The following SPTBN1 variants were observed in gnomAD, a reference collection of about 807,000 sequenced individuals.
SPTBN1 encodes the protein spectrin beta, non-erythrocytic 1, also known as spectrin beta chain, non-erythrocytic 1.
SPTBN1 carries 32 observed loss-of-function variants against 266.4 expected under a neutral mutation model. The observed-to-expected ratio is 0.12, with a 90% CI of 0.09 to 0.16. The LOEUF (loss-of-function observed/expected upper bound fraction) is 0.16, where lower values mean the gene tolerates loss of function less well. Among genes scored for constraint, SPTBN1 ranks in the 10% least tolerant of loss-of-function variants. The pLI, the probability that SPTBN1 is intolerant of heterozygous loss-of-function variation, is 1.00. For synonymous variants in SPTBN1, 1,336 were observed against 1,162.2 expected (o/e 1.15, Z -3.04); for missense variants, 2,296 against 3,067.1 (o/e 0.75, Z 5.94).
chr2:54,623,136 T>C (rs1367063024), intron 9 of SPTBN1, among the ~76,000 whole-genome samples: 1 of 152,194 alleles, frequency 6.6e-6, no homozygotes, highest in East Asian at 1.9e-4. Flanking sequence ...TTGAAAATTA[T>C]ATTAGGTAGA....
In SPTBN1 at chr2:54,668,741, A is replaced by G. The variant is rs1681554204; in HGVS notation, c.*172A>G. The G allele has an allele frequency of 5.0e-6, 3 of 605,296 alleles. No homozygotes were observed. In the South Asian group the frequency reaches 6.2e-5, roughly 12 times the overall value. 37.5% of individuals were successfully genotyped at this position (605,296 alleles called of 1,614,324 possible). ...GGGGGTGGGGGAAACACACCTAAACACTTTATCTCCAAGTTACAAAAGTTT... is the reference window on the plus strand; with the variant it reads ...GGGGGTGGGGGAAACACACCTAAACGCTTTATCTCCAAGTTACAAAAGTTT... On this transcript the variant is annotated 3_prime_UTR_variant, in exon 36 of 36. Coordinates refer to ENST00000356805, the MANE Select transcript of SPTBN1 (RefSeq NM_003128.3).
rs375464560 is a variant in SPTBN1, at chr2:54,646,030, G to T, written c.4584+13G>T. ...AAAGAAAAATCAGGTAAGCCTTTCT[G>T]CTCGAGCTAGTTCTGTCTGATAAAT... On this transcript the variant is annotated intron_variant, in intron 22 of 35. Transcript: ENST00000356805. This position sits in a 1 kb window ranked among gnomAD's most constrained non-coding sequence, Gnocchi z 4.4. The T allele has an allele frequency of 6.8e-6, 11 of 1,614,082 alleles. No homozygotes were observed. The East Asian group carries it at 2.5e-4, about 36-fold the overall frequency.
intron 2 of SPTBN1, among the ~76,000 whole-genome samples, chr2:54,592,859 A>G (rs778578796): frequency 9.2e-5 from 14 of 152,188 alleles, no homozygotes; most frequent in Non-Finnish European, 2.1e-4. Flanking sequence ...CCTCACCACT[A>G]CTGGCTGGTG....
intron 1 of SPTBN1, among the ~76,000 whole-genome samples, chr2:54,496,164 C>T (rs1223312275): frequency 6.6e-6 from 1 of 152,080 alleles, no homozygotes; most frequent in Admixed American, 6.6e-5. Flanking sequence ...AGGCCAGGCA[C>T]GATGACTCAC....
At chr2:54,591,704 A>G (rs964717933) in intron 2 of SPTBN1, among the ~76,000 whole-genome samples, 2 of 152,120 alleles carry the variant, frequency 1.3e-5, no homozygotes, top group Admixed American at 6.5e-5. Context: ...GAACTGTGGC[A>G]TATGGTGAAT....
At chr2:54,551,682 T>C (rs1223511022) in intron 2 of SPTBN1, among the ~76,000 whole-genome samples, 6 of 152,312 alleles carry the variant, frequency 3.9e-5, no homozygotes, top group Middle Eastern at 3.4e-3. Flanking sequence ...TGCCCTGTTA[T>C]TTCAGATTCG....
intron 1 of SPTBN1, among the ~76,000 whole-genome samples, chr2:54,521,657 G>A (rs902152457): frequency 6.6e-6 from 1 of 152,046 alleles, no homozygotes; most frequent in African/African-American, 2.4e-5. Flanking sequence ...GGGACTACGG[G>A]CACGTGCCAC....
chr2:54,491,613 T>C (rs1257733520), intron 1 of SPTBN1, among the ~76,000 whole-genome samples: 2 of 152,110 alleles, frequency 1.3e-5, no homozygotes, highest in Admixed American at 6.6e-5. Context: ...CTTTTTTTTT[T>C]GGAGACAAGG....
intron 1 of SPTBN1, among the ~76,000 whole-genome samples, chr2:54,465,637 C>CATATATATATATA (rs1433073794): frequency 0.13 from 11,771 of 87,900 alleles, 792 homozygotes; most frequent in East Asian, 0.22. Context: ...TCATGTTTAT[C>CATATATATATATA]TCATATATAT....
At position 54,651,615 on chromosome 2, in the gene SPTBN1, G is replaced by A. The variant is rs183802439; in HGVS notation, c.5577+1626G>A. 4.6e-4 allele frequency among the ~76,000 whole-genome samples: 70 copies of A among 152,304 alleles called. No individual in the cohort carries two copies. The East Asian group carries it at 0.013, about 27-fold the overall frequency. ...TGGAGGTCTTGAGTGGTTATGCAAA[G>A]CAATAGTTCATATTTGTGGAAATTT... is the stretch of plus-strand genomic sequence containing the variant. On this transcript the variant is annotated intron_variant, in intron 26 of 35. Transcript: ENST00000356805.
Position 54,653,550 on chromosome 2 carries a change from G to T in SPTBN1, c.5578-59G>T. On this transcript the variant is annotated intron_variant, in intron 26 of 35. Coordinates refer to ENST00000356805, the MANE Select transcript of SPTBN1 (RefSeq NM_003128.3). This position sits in a 1 kb window ranked among gnomAD's most constrained non-coding sequence, Gnocchi z 5.1. ...ATGAGCAGAACAGAATAGGGCTTGGGGTGATGGTGGGAAGGCCGCCATGGG... is the reference window on the plus strand; with the variant it reads ...ATGAGCAGAACAGAATAGGGCTTGGTGTGATGGTGGGAAGGCCGCCATGGG... 1 of 1,592,452 alleles carries T rather than the reference G, an allele frequency of 6.3e-7. No individual in the cohort carries two copies. Among genetic ancestry groups the T allele is most frequent in the South Asian group, 1.1e-5 (1 of 88,496 alleles).
chr2:54,645,806 C>T lies in SPTBN1; in HGVS notation c.4495-122C>T, dbSNP rs536565288. On this transcript the variant is annotated intron_variant, in intron 21 of 35. Transcript: ENST00000356805. This position sits in a 1 kb window ranked among gnomAD's most constrained non-coding sequence, Gnocchi z 4.3. ...GGCGTGCTTCCCCAGACAGCCCTCC[C>T]GAGGGGGCTGAGCACTCTCTGAAGC... is the stretch of plus-strand genomic sequence containing the variant. 597 of 1,080,248 alleles carry T rather than the reference C, an allele frequency of 5.5e-4. 5 individuals carry two copies. The South Asian group carries it at 7.8e-3, about 14-fold the overall frequency. The allele number at this position is 1,080,248 out of a possible 1,614,324, so 66.9% of individuals were successfully genotyped here.
intron 1 of SPTBN1, among the ~76,000 whole-genome samples, chr2:54,506,349 T>G (rs778525212): frequency 6.6e-5 from 10 of 152,100 alleles, no homozygotes; most frequent in Non-Finnish European, 1.0e-4. Flanking sequence ...TCTTAGAAAT[T>G]TGAAGTTGCT....
chr2:54,642,945 A>G, intron 18 of SPTBN1, 38 bp from the exon 19 acceptor site: 2 of 1,594,816 alleles, frequency 1.3e-6, no homozygotes, highest in East Asian at 2.2e-5. Context: ...GCTGATGTCT[A>G]GGATCACAAT....
intron 1 of SPTBN1, among the ~76,000 whole-genome samples, chr2:54,486,278 A>G (rs964189185): frequency 6.6e-6 from 1 of 152,114 alleles, no homozygotes; most frequent in African/African-American, 2.4e-5. Flanking sequence ...TGGAATAGAA[A>G]GGGGGGAAAG....
At chr2:54,531,474 A>ACT (rs1671233868) in intron 2 of SPTBN1, among the ~76,000 whole-genome samples, 1 of 152,116 alleles carries the variant, frequency 6.6e-6, no homozygotes, top group Admixed American at 6.6e-5. Flanking sequence ...CTCAGGCTAG[A>ACT]GTACAGTGGT....
At chr2:54,529,962 T>A in intron 2 of SPTBN1, among the ~76,000 whole-genome samples, 1 of 146,998 alleles carries the variant, frequency 6.8e-6, no homozygotes, top group East Asian at 2.1e-4. Context: ...CTGTCCCTTA[T>A]AGGGGAGTGA....
Position 54,628,798 on chromosome 2 carries a change from G to C in SPTBN1, c.1799-135G>C. 2.6e-6 allele frequency: 3 copies of C among 1,162,308 alleles called. No individual in the cohort carries two copies. The highest frequency in any genetic ancestry group is 2.8e-5 in the Admixed American group (1 of 36,334). The allele number at this position is 1,162,308 out of a possible 1,614,324, so 72.0% of individuals were successfully genotyped here. A position where few individuals can be genotyped will look rare whatever the true frequency, so the allele number is the denominator to read the frequency against. On this transcript the variant is annotated intron_variant, in intron 13 of 35. Coordinates refer to ENST00000356805, the MANE Select transcript of SPTBN1 (RefSeq NM_003128.3). This position sits in a 1 kb window ranked among gnomAD's most constrained non-coding sequence, Gnocchi z 4.3. ...TTAGAAGGTGCTCCATTGCCTTATCGCATGGCCCTGCATTTACATTTAGCA... is the reference window on the plus strand; with the variant it reads ...TTAGAAGGTGCTCCATTGCCTTATCCCATGGCCCTGCATTTACATTTAGCA...
At chr2:54,585,433 TAAAAC>T in intron 2 of SPTBN1, among the ~76,000 whole-genome samples, 1 of 146,374 alleles carries the variant, frequency 6.8e-6, no homozygotes, top group East Asian at 2.0e-4. Flanking sequence ...CCTCCTCTAT[TAAAAC>T]AAGGCAATGT....
Sources: allele counts gnomAD v4.1 joint callset (sites outside exome capture counted in the v4.1 genomes callset), GRCh38; gene constraint gnomAD v4.1.1; non-coding constraint Gnocchi (gnomAD v3.1); transcripts MANE v1.5; gene names NCBI Gene and HGNC (gene_info 2026-07-23, HGNC 2026-07-21).